PROS1: variants seen among roughly 807,000 people sequenced by gnomAD.
PROS1 encodes protein S, also known as vitamin K-dependent protein S.
A neutral mutation model predicts 75.9 loss-of-function variants in PROS1; 29 were observed. That is an observed-to-expected ratio of 0.38 (90% confidence interval 0.28 to 0.52). The LOEUF (loss-of-function observed/expected upper bound fraction) is 0.52, where lower values mean the gene tolerates loss of function less well. Ranked by LOEUF, PROS1 falls within the 20% of genes least tolerant of loss-of-function variation. PROS1 has a pLI of 0.83. For missense variants in PROS1, 680 were observed against 810.3 expected (o/e 0.84, Z 1.95); for synonymous variants, 245 against 280.6 (o/e 0.87, Z 1.27).
intron 10 of PROS1, among the ~76,000 whole-genome samples, chr3:93,888,245 A>G (rs1414760979): frequency 6.6e-6 from 1 of 152,204 alleles, no homozygotes; most frequent in African/African-American, 2.4e-5. Context: ...ACCAATGGCA[A>G]CACCATGTAT....
chr3:93,891,095 G>A (rs141180990), intron 10 of PROS1, among the ~76,000 whole-genome samples: 27 of 152,000 alleles, frequency 1.8e-4, no homozygotes, highest in African/African-American at 3.4e-4. Flanking sequence ...GCAAGACTCC[G>A]TCTCAAAATA....
At chr3:93,882,259 C>A (rs1283915196) in intron 12 of PROS1, among the ~76,000 whole-genome samples, 1 of 152,104 alleles carries the variant, frequency 6.6e-6, no homozygotes, top group Non-Finnish European at 1.5e-5. Flanking sequence ...ATAGAGATAA[C>A]CTAATTCTAA....
At chr3:93,935,689 A>T (rs1321962456) in intron 1 of PROS1, among the ~76,000 whole-genome samples, 1 of 152,158 alleles carries the variant, frequency 6.6e-6, no homozygotes, top group East Asian at 1.9e-4. Context: ...TTTATTTTTT[A>T]AAGTGCTTAT....
intron 3 of PROS1, among the ~76,000 whole-genome samples, chr3:93,922,332 CTTCCCAGG>C (rs946989977): frequency 7.4e-4 from 112 of 152,194 alleles, no homozygotes; most frequent in African/African-American, 2.6e-3. Context: ...GTTCACCATT[CTTCCCAGG>C]AAGTTTCTCT....
intron 1 of PROS1, among the ~76,000 whole-genome samples, chr3:93,954,494 A>G (rs1480903114): frequency 6.6e-6 from 1 of 152,188 alleles, no homozygotes; most frequent in Non-Finnish European, 1.5e-5. Flanking sequence ...CCTATTTAAT[A>G]AATAGTGCCG....
At position 93,971,601 on chromosome 3, in the gene PROS1, A is replaced by G. The variant is rs1175229304; in HGVS notation, c.76+2073T>C. Among the ~76,000 whole-genome samples the G allele has an allele frequency of 3.4e-5, 5 of 148,228 alleles. No individual in the cohort carries two copies. The East Asian group carries it at 1.0e-3, about 30-fold the overall frequency. On this transcript the variant is annotated intron_variant, in intron 1 of 14. Transcript: ENST00000394236. The stretch of plus-strand genomic sequence containing the variant: ...GGCAATATGGCAAAACACCAACTCT[A>G]CCAAAAAAACAAAACAAAATAAAAA...
intron 1 of PROS1, among the ~76,000 whole-genome samples, chr3:93,942,661 T>C (rs917200033): frequency 2.0e-5 from 3 of 152,156 alleles, no homozygotes; most frequent in African/African-American, 7.2e-5. Flanking sequence ...AAGGAAAATA[T>C]CTCCTTCCAG....
intron 10 of PROS1, 70 bp downstream of exon 10, chr3:93,892,863 T>C: frequency 6.6e-7 from 1 of 1,517,252 alleles, no homozygotes; most frequent in African/African-American, 1.4e-5. Flanking sequence ...GGTATCACTA[T>C]AAAAATAAAT....
chr3:93,949,012 T>A (rs1440189136), intron 1 of PROS1, among the ~76,000 whole-genome samples: 3 of 152,192 alleles, frequency 2.0e-5, no homozygotes, highest in African/African-American at 7.2e-5. Flanking sequence ...AGTAACAGAA[T>A]AACAGTTCAT....
intron 12 of PROS1, among the ~76,000 whole-genome samples, chr3:93,880,296 C>T (rs190911214): frequency 5.4e-4 from 82 of 151,980 alleles, no homozygotes; most frequent in Middle Eastern, 3.4e-3. Context: ...CTCAGGAGTT[C>T]GAGACCAGCC....
At chr3:93,883,215 G>A (rs1047419036) in intron 12 of PROS1, among the ~76,000 whole-genome samples, 1 of 152,142 alleles carries the variant, frequency 6.6e-6, no homozygotes, top group Non-Finnish European at 1.5e-5. Context: ...CTCTGCTAGG[G>A]GTGGGCAAGA....
intron 3 of PROS1, 68 bp from the exon 4 acceptor site, chr3:93,910,773 A>G: frequency 7.6e-7 from 1 of 1,311,240 alleles, no homozygotes; most frequent in Admixed American, 1.9e-5. Flanking sequence ...TCATGGTAGG[A>G]ACTGTCCCAA....
intron 2 of PROS1, among the ~76,000 whole-genome samples, chr3:93,925,101 T>A (rs1289032339): frequency 6.6e-6 from 1 of 152,216 alleles, no homozygotes; most frequent in Non-Finnish European, 1.5e-5. Flanking sequence ...GAGTAAAGAA[T>A]GTGCTTTCTT....
intron 3 of PROS1, among the ~76,000 whole-genome samples, chr3:93,918,780 A>T (rs1187717267): frequency 6.6e-6 from 1 of 152,088 alleles, no homozygotes; most frequent in Admixed American, 6.5e-5. Context: ...TCCTAACCTC[A>T]AGTGAATCAT....
intron 1 of PROS1, among the ~76,000 whole-genome samples, chr3:93,934,935 GAA>G (rs571538273): frequency 7.2e-6 from 1 of 139,596 alleles, no homozygotes; most frequent in Non-Finnish European, 1.6e-5. Context: ...CCCTTTCTAG[GAA>G]AAAAAAAAAA....
At chr3:93,906,883 C>A (rs1321781224) in intron 4 of PROS1, among the ~76,000 whole-genome samples, 3 of 152,210 alleles carry the variant, frequency 2.0e-5, no homozygotes, top group African/African-American at 7.2e-5. Flanking sequence ...CTCAGGGCAG[C>A]GCTAACATGC....
chr3:93,877,029 G>C lies in PROS1; in HGVS notation c.1807C>G (p.Gln603Glu), dbSNP rs751163405. The change falls in exon 14 of 15, where the codon CAA becomes GAA. Residue 603 changes from glutamine (Q) to glutamate (E), a missense_variant. By Grantham distance (29) the Gln-to-Glu change is conservative. Coordinates refer to ENST00000394236, the MANE Select transcript of PROS1 (RefSeq NM_000313.4). ...ETISHEDLQRQLAVLDKAMKA... is the reference protein window; with the variant it reads ...ETISHEDLQRELAVLDKAMKA... Reference sequence around the variant, plus strand: ...ATTGCTTTGTCCAAGACGGCAAGTTGTCTTTGAAGGTCTTCATGGGAGATG... The same window carrying C: ...ATTGCTTTGTCCAAGACGGCAAGTTCTCTTTGAAGGTCTTCATGGGAGATG... 1.2e-6 allele frequency: 2 copies of C among 1,614,016 alleles called. No individual in the cohort carries two copies. The highest frequency in any genetic ancestry group is 1.7e-6 in the Non-Finnish European group (2 of 1,179,904).
At chr3:93,937,025 C>G (rs992649616) in intron 1 of PROS1, among the ~76,000 whole-genome samples, 1 of 152,270 alleles carries the variant, frequency 6.6e-6, no homozygotes, top group South Asian at 2.1e-4. Flanking sequence ...GGTGAATAAA[C>G]AAGGGACAGG....
intron 1 of PROS1, among the ~76,000 whole-genome samples, chr3:93,940,643 C>T (rs1162632420): frequency 3.3e-5 from 5 of 152,050 alleles, no homozygotes; most frequent in East Asian, 1.9e-4. Flanking sequence ...GCCTCCTTCA[C>T]ATCTTCCTCT....
Sources: gnomAD v4.1 joint callset for allele counts (sites outside exome capture counted in the v4.1 genomes callset) on GRCh38, gnomAD v4.1.1 for gene constraint, MANE v1.5 for transcripts, NCBI Gene and HGNC (gene_info 2026-07-23, HGNC 2026-07-21) for gene names.